The following ZNF385D variants were observed in gnomAD, a reference collection of about 807,000 sequenced individuals.
The protein encoded by ZNF385D is zinc finger protein 385D, also known as zinc finger protein 659.
Under a neutral mutation model 35.8 loss-of-function variants are expected in ZNF385D, and 15 were observed. That is an observed-to-expected ratio of 0.42 (90% CI 0.28 to 0.64). The LOEUF (loss-of-function observed/expected upper bound fraction) is 0.64, where lower values mean the gene tolerates loss of function less well. Ranked by LOEUF, ZNF385D falls within the 30% of genes least tolerant of loss-of-function variation. ZNF385D has a pLI of 0.23. For missense variants in ZNF385D, 474 were observed against 494.6 expected, an observed-to-expected ratio of 0.96 and a Z score of 0.39; for synonymous variants, 212 against 186.8, an observed-to-expected ratio of 1.13 and a Z score of -1.10.
intron 2 of ZNF385D, among the ~76,000 whole-genome samples, chr3:21,600,378 T>G (rs1207809436): frequency 6.6e-6 from 1 of 152,144 alleles, no homozygotes; most frequent in African/African-American, 2.4e-5. Flanking sequence ...TAGTGATAGT[T>G]TTATTGAACA....
chr3:21,806,359 C>A (rs2072647803), intron 3 of ZNF385D, among the ~76,000 whole-genome samples: 2 of 151,990 alleles, frequency 1.3e-5, no homozygotes. Flanking sequence ...CGCCTGTCAC[C>A]ACGCCCGACT....
At chr3:21,822,524 T>A (rs1310630767) in intron 3 of ZNF385D, among the ~76,000 whole-genome samples, 1 of 152,336 alleles carries the variant, frequency 6.6e-6, no homozygotes, top group East Asian at 1.9e-4. Flanking sequence ...GATTTGTCAT[T>A]ACCTAGAAAA....
At chr3:22,285,009 G>C (rs535187337) in intron 2 of ZNF385D, among the ~76,000 whole-genome samples, 9 of 152,030 alleles carry the variant, frequency 5.9e-5, no homozygotes, top group Non-Finnish European at 1.2e-4. Flanking sequence ...CTGAATGAAT[G>C]TTTAGTTTAC....
chr3:21,931,784 A>C (rs1575945591), intron 3 of ZNF385D, among the ~76,000 whole-genome samples: 2 of 152,310 alleles, frequency 1.3e-5, no homozygotes, highest in South Asian at 4.1e-4. Flanking sequence ...ACAACTCTGT[A>C]AATGTATTAA....
intron 3 of ZNF385D, among the ~76,000 whole-genome samples, chr3:21,951,380 T>G (rs1448611838): frequency 6.6e-6 from 1 of 151,754 alleles, no homozygotes; most frequent in Admixed American, 6.6e-5. Flanking sequence ...TGCCTGTGAT[T>G]TTTGCACATT....
chr3:21,633,497 T>C (rs1222265599), intron 2 of ZNF385D, among the ~76,000 whole-genome samples: 1 of 150,656 alleles, frequency 6.6e-6, no homozygotes, highest in Non-Finnish European at 1.5e-5. Context: ...TTAATACACA[T>C]ATCTGTATTC....
chr3:22,146,598 A>G (rs1048980721), intron 3 of ZNF385D, among the ~76,000 whole-genome samples: 1 of 152,154 alleles, frequency 6.6e-6, no homozygotes, highest in Non-Finnish European at 1.5e-5. Context: ...AACTCCATGA[A>G]GGCAAAGATC....
intron 3 of ZNF385D, among the ~76,000 whole-genome samples, chr3:22,094,887 C>T (rs1466603737): frequency 6.6e-6 from 1 of 151,898 alleles, no homozygotes; most frequent in Non-Finnish European, 1.5e-5. Flanking sequence ...TATCCTTTTT[C>T]CTTTCTATGT....
At chr3:21,857,673 C>T (rs9822325) in intron 3 of ZNF385D, among the ~76,000 whole-genome samples, 37,571 of 151,602 alleles carry the variant, frequency 0.25, 4,969 homozygotes, top group Admixed American at 0.3. Flanking sequence ...ACCAGAGGAG[C>T]CAGGGAATGG....
At chr3:21,438,357 GA>G (rs1490881754) in intron 4 of ZNF385D, among the ~76,000 whole-genome samples, 3 of 152,000 alleles carry the variant, frequency 2.0e-5, no homozygotes, top group Non-Finnish European at 2.9e-5. Context: ...ATGCTACACT[GA>G]AAAGTCCATG....
At chr3:21,997,204 T>A (rs1695519349) in intron 3 of ZNF385D, among the ~76,000 whole-genome samples, 1 of 152,096 alleles carries the variant, frequency 6.6e-6, no homozygotes, top group South Asian at 2.1e-4. Context: ...TGTAGGGACA[T>A]GGATGAAGCT....
chr3:21,931,054 A>T (rs1190572758), intron 3 of ZNF385D, among the ~76,000 whole-genome samples: 1 of 152,168 alleles, frequency 6.6e-6, no homozygotes, highest in African/African-American at 2.4e-5. Flanking sequence ...ATACACAATT[A>T]TATTTGATGA....
At chr3:22,017,792 G>T (rs9310679) in intron 3 of ZNF385D, among the ~76,000 whole-genome samples, 18,081 of 151,672 alleles carry the variant, frequency 0.12, 1,201 homozygotes, top group Middle Eastern at 0.18. Context: ...CTAACAATCT[G>T]CCCAAATTAT....
rs574632173 is a variant in ZNF385D, at chr3:21,699,197, A to G, written c.23-34169T>C. On this transcript the variant is annotated intron_variant, in intron 1 of 7. Transcript: ENST00000281523. ...GTTCATGTCCTTTGCAGGGACGTGG[A>G]TGAAGCTGGAAACCATCATTCTCAG... Among the ~76,000 whole-genome samples, 3 of 152,334 alleles carry G rather than the reference A, an allele frequency of 2.0e-5. No individual in the cohort carries two copies. In the East Asian group the frequency reaches 5.8e-4, roughly 29 times the overall value.
chr3:21,548,395 G>A (rs1315965167), intron 3 of ZNF385D, among the ~76,000 whole-genome samples: 1 of 152,080 alleles, frequency 6.6e-6, no homozygotes, highest in African/African-American at 2.4e-5. Context: ...ATGCCTTCTT[G>A]CCTCATTTTC....
chr3:22,004,532 T>C (rs1237849994), intron 3 of ZNF385D, among the ~76,000 whole-genome samples: 1 of 152,196 alleles, frequency 6.6e-6, no homozygotes, highest in Non-Finnish European at 1.5e-5. Flanking sequence ...AAATTATTCA[T>C]CTGACAAAAG....
intron 3 of ZNF385D, among the ~76,000 whole-genome samples, chr3:21,967,089 T>G (rs180728393): frequency 6.6e-6 from 1 of 152,354 alleles, no homozygotes; most frequent in African/African-American, 2.4e-5. Flanking sequence ...TTGTATGATC[T>G]ACAAAGAAAA....
intron 3 of ZNF385D, among the ~76,000 whole-genome samples, chr3:22,110,187 G>C (rs1303530888): frequency 6.6e-6 from 1 of 152,144 alleles, no homozygotes; most frequent in African/African-American, 2.4e-5. Flanking sequence ...CATACTGTTG[G>C]TGGGACTGTA....
chr3:21,825,975 G>C (rs2673543), intron 3 of ZNF385D, among the ~76,000 whole-genome samples: 125,947 of 151,726 alleles, frequency 0.83, 52,368 homozygotes, highest in East Asian at 0.94. Flanking sequence ...ATCTAGGTTG[G>C]GGCTAGAGAA....
Sources: allele counts gnomAD v4.1 joint callset (sites outside exome capture counted in the v4.1 genomes callset), GRCh38; gene constraint gnomAD v4.1.1; transcripts MANE v1.5; gene names NCBI Gene and HGNC (gene_info 2026-07-23, HGNC 2026-07-21).